WWOX: variants seen among roughly 807,000 people sequenced by gnomAD.
The protein encoded by WWOX is WW domain-containing oxidoreductase.
A neutral mutation model predicts 46.2 loss-of-function variants in WWOX; 69 were observed. That is an observed-to-expected ratio of 1.49 (90% CI 1.23 to 1.82). WWOX has a LOEUF of 1.82. WWOX is among the 40% of genes most tolerant of loss of function. The pLI, the probability that WWOX is intolerant of heterozygous loss-of-function variation, is 0.00. For synonymous variants in WWOX, 359 were observed against 202.6 expected (o/e 1.77, Z -6.56); for missense variants, 919 against 542.6 (o/e 1.69, Z -6.89).
intron 5 of WWOX, among the ~76,000 whole-genome samples, chr16:78,345,375 C>T (rs111390771): frequency 0.11 from 11,810 of 103,076 alleles, 3,488 homozygotes; most frequent in African/African-American, 0.34. Context: ...AATCCCAGCA[C>T]TTTGCGAGGC....
chr16:78,755,868 C>T (rs1484220725), intron 8 of WWOX, among the ~76,000 whole-genome samples: 1 of 152,196 alleles, frequency 6.6e-6, no homozygotes, highest in African/African-American at 2.4e-5. Flanking sequence ...CCTCTATGCA[C>T]CAGTCATATC....
chr16:78,765,329 A>G, intron 8 of WWOX, among the ~76,000 whole-genome samples: 1 of 152,218 alleles, frequency 6.6e-6, no homozygotes, highest in Non-Finnish European at 1.5e-5. Flanking sequence ...GTTGAACACT[A>G]GGGTGAGGGC....
chr16:78,899,320 A>G (rs75204124), intron 8 of WWOX: 1 of 152,162 alleles, frequency 6.6e-6, no homozygotes, highest in Non-Finnish European at 1.5e-5. Flanking sequence ...TACTATCTGC[A>G]TATTAGAGGG....
chr16:78,540,784 C>T (rs1012311443), intron 8 of WWOX, among the ~76,000 whole-genome samples: 2 of 152,044 alleles, frequency 1.3e-5, no homozygotes, highest in Non-Finnish European at 2.9e-5. Flanking sequence ...ATTCATGAGC[C>T]CAAGCGATCT....
chr16:79,091,418 AACATAT>A (rs2048957958), intron 8 of WWOX, among the ~76,000 whole-genome samples: 1 of 152,162 alleles, frequency 6.6e-6, no homozygotes, highest in African/African-American at 2.4e-5. Flanking sequence ...AGGCAGTAGC[AACATAT>A]ACCAGCTTCC....
intron 8 of WWOX, chr16:78,891,451 T>C (rs553892511): frequency 5.3e-5 from 8 of 152,330 alleles, no homozygotes; most frequent in African/African-American, 1.9e-4. Flanking sequence ...TAAGACCTGC[T>C]GGACCTGTAG....
In WWOX at chr16:78,349,821, C is replaced by T. The variant is rs146656163; in HGVS notation, c.517-37039C>T. The stretch of plus-strand genomic sequence containing the variant: ...TTTAGCAAGCCCAGTGATTGGAAAA[C>T]AATGACTCAACTTTGAGCTATATTG... On this transcript the variant is annotated intron_variant, in intron 5 of 8. Transcript: ENST00000566780. 2.3e-3 allele frequency among the ~76,000 whole-genome samples: 278 copies of T among 121,110 alleles called. 63 individuals are homozygous for T. Among genetic ancestry groups the T allele is most frequent in the African/African-American group, 7.5e-3 (268 of 35,788 alleles). The allele number at this position is 121,110 out of a possible 152,430, so 79.5% of individuals were successfully genotyped here. A position where few individuals can be genotyped will look rare whatever the true frequency, so the allele number is the denominator to read the frequency against.
intron 8 of WWOX, among the ~76,000 whole-genome samples, chr16:78,516,640 C>T (rs1205941397): frequency 6.6e-6 from 1 of 152,180 alleles, no homozygotes; most frequent in Non-Finnish European, 1.5e-5. Flanking sequence ...ATTGTCTCCT[C>T]CTATTCCTCT....
At chr16:78,849,085 G>T (rs920521779) in intron 8 of WWOX, among the ~76,000 whole-genome samples, 2 of 152,114 alleles carry the variant, frequency 1.3e-5, no homozygotes, top group Non-Finnish European at 2.9e-5. Context: ...CAGCTCCCCA[G>T]GGTCTACTTG....
chr16:78,200,813 C>T (rs1278438062), intron 5 of WWOX, among the ~76,000 whole-genome samples: 1 of 152,114 alleles, frequency 6.6e-6, no homozygotes, highest in African/African-American at 2.4e-5. Context: ...CGTGTGCATT[C>T]ACGATGGGCT....
At chr16:78,215,790 G>A (rs1488665377) in intron 5 of WWOX, among the ~76,000 whole-genome samples, 4 of 152,012 alleles carry the variant, frequency 2.6e-5, no homozygotes, top group African/African-American at 9.7e-5. Flanking sequence ...GCCGGGTATG[G>A]TGGTGTGTGC....
intron 8 of WWOX, among the ~76,000 whole-genome samples, chr16:78,616,297 G>C (rs1303599926): frequency 6.6e-6 from 1 of 152,056 alleles, no homozygotes; most frequent in Non-Finnish European, 1.5e-5. Context: ...GCCATGGACT[G>C]AATAATATAT....
chr16:78,215,048 C>T lies in WWOX; in HGVS notation c.516+50759C>T, dbSNP rs78741454. On this transcript the variant is annotated intron_variant, in intron 5 of 8. Coordinates refer to ENST00000566780, the MANE Select transcript of WWOX (RefSeq NM_016373.4). ...CAAAGTTCAGTGGTTTGAGACATGG[C>T]GGGGTTTGGTAGTAGATGTAGGATA... Among the ~76,000 whole-genome samples, 24 of 152,156 alleles carry T rather than the reference C, an allele frequency of 1.6e-4. No individual in the cohort carries two copies. In the East Asian group the frequency reaches 3.5e-3, roughly 22 times the overall value.
At chr16:78,484,318 C>G (rs1735133120) in intron 8 of WWOX, among the ~76,000 whole-genome samples, 1 of 152,028 alleles carries the variant, frequency 6.6e-6, no homozygotes, top group Non-Finnish European at 1.5e-5. Context: ...CATCTAAGAC[C>G]CTTTTGTTCA....
intron 5 of WWOX, among the ~76,000 whole-genome samples, chr16:78,184,269 T>C (rs1231399030): frequency 2.0e-5 from 3 of 151,982 alleles, no homozygotes; most frequent in African/African-American, 7.3e-5. Context: ...TTTGGAGAAG[T>C]GTTTTCATAT....
At chr16:78,159,294 T>C (rs1015583466) in intron 4 of WWOX, among the ~76,000 whole-genome samples, 1 of 152,198 alleles carries the variant, frequency 6.6e-6, no homozygotes, top group African/African-American at 2.4e-5. Flanking sequence ...GTTGTGATCC[T>C]GATTTGAGTT....
At position 78,686,315 on chromosome 16, in the gene WWOX, T is replaced by A. The variant is rs927624767; in HGVS notation, c.1056+253563T>A. ...TCACGAGGTCAGGAGATCCAGACCATCCTGGCTAAGTCGGTGAAACCCCGC... is the reference window on the plus strand; with the variant it reads ...TCACGAGGTCAGGAGATCCAGACCAACCTGGCTAAGTCGGTGAAACCCCGC... On this transcript the variant is annotated intron_variant, in intron 8 of 8. Transcript: ENST00000566780. Among the ~76,000 whole-genome samples, 4 of 152,130 alleles carry A rather than the reference T, an allele frequency of 2.6e-5. No individual in the cohort carries two copies. In the East Asian group the frequency reaches 7.8e-4, roughly 30 times the overall value.
chr16:78,888,079 T>G (rs1276464745), intron 8 of WWOX, among the ~76,000 whole-genome samples: 2 of 152,222 alleles, frequency 1.3e-5, no homozygotes, highest in Non-Finnish European at 2.9e-5. Flanking sequence ...ATATTTTATT[T>G]CTTAATGAAT....
chr16:78,947,840 A>T (rs2151298744), intron 8 of WWOX, among the ~76,000 whole-genome samples: 1 of 152,360 alleles, frequency 6.6e-6, no homozygotes, highest in Admixed American at 6.5e-5. Flanking sequence ...GAAGCTCCAA[A>T]ATAAAATATC....
Sources: allele counts gnomAD v4.1 joint callset (sites outside exome capture counted in the v4.1 genomes callset), GRCh38; gene constraint gnomAD v4.1.1; transcripts MANE v1.5; gene names NCBI Gene and HGNC (gene_info 2026-07-23, HGNC 2026-07-21).